Variants in PCDHGA1 observed in about 807,000 individuals in gnomAD.
PCDHGA1 encodes protocadherin gamma-A1.
In PCDHGA1, 32 loss-of-function variants were observed where a neutral mutation model predicts 58.0. The observed-to-expected ratio is 0.55, with a 90% CI of 0.42 to 0.74. The LOEUF is 0.74. PCDHGA1 is among the 30% of genes least tolerant of loss of function. The pLI, the probability that PCDHGA1 is intolerant of heterozygous loss-of-function variation, is 0.00. For missense variants in PCDHGA1, 1,205 were observed against 1,182.3 expected, an observed-to-expected ratio of 1.02 and a Z score of -0.28; for synonymous variants, 498 against 501.1, an observed-to-expected ratio of 0.99 and a Z score of 0.08.
intron 1 of PCDHGA1, among the ~76,000 whole-genome samples, chr5:141,459,014 T>C (rs1429233660): frequency 6.6e-6 from 1 of 152,240 alleles, no homozygotes; most frequent in East Asian, 1.9e-4. Context: ...ATTACAGGCA[T>C]GAGCCACCAC....
At chr5:141,353,235 G>A (rs371091053) in intron 1 of PCDHGA1, among the ~76,000 whole-genome samples, 10 of 152,116 alleles carry the variant, frequency 6.6e-5, no homozygotes, top group African/African-American at 2.2e-4. Flanking sequence ...CTTAGTAATA[G>A]CAGTGCCTTT....
At chr5:141,374,611 T>G in intron 1 of PCDHGA1, 1 of 1,613,552 alleles carries the variant, frequency 6.2e-7, no homozygotes, top group East Asian at 2.2e-5. Context: ...GTGGTAATAG[T>G]CACTTCTCAG....
At chr5:141,410,147 G>T in intron 1 of PCDHGA1, 1 of 1,612,952 alleles carries the variant, frequency 6.2e-7, no homozygotes, top group Non-Finnish European at 8.5e-7. Flanking sequence ...TGTGCGTGAC[G>T]GTGGACAGCC....
At position 141,490,208 on chromosome 5, in the gene PCDHGA1, G is replaced by A. The variant is rs745796427; in HGVS notation, c.2422-4599G>A. On this transcript the variant is annotated intron_variant, in intron 1 of 3. Coordinates refer to ENST00000517417, the MANE Select transcript of PCDHGA1 (RefSeq NM_018912.3). The surrounding 1 kb of genome is among the most constrained non-coding windows in gnomAD (Gnocchi z 5.4). ...TTCTATGAAATTCATGCAAGAGCCC[G>A]TGACCAGGGACAGCCTGCCATGGAG... 44 of 1,614,120 alleles carry A rather than the reference G, an allele frequency of 2.7e-5. No individual in the cohort carries two copies. The Admixed American group carries it at 4.5e-4, about 17-fold the overall frequency.
Position 141,486,998 on chromosome 5 carries a change from C to T in PCDHGA1, c.2422-7809C>T. 1.2e-6 allele frequency: 2 copies of T among 1,614,206 alleles called. No individual in the cohort carries two copies. Among genetic ancestry groups the T allele is most frequent in the Non-Finnish European group, 1.7e-6 (2 of 1,180,034 alleles). On this transcript the variant is annotated intron_variant, in intron 1 of 3. Transcript: ENST00000517417. The surrounding 1 kb of genome is among the most constrained non-coding windows in gnomAD (Gnocchi z 5.0). The stretch of plus-strand genomic sequence containing the variant: ...AGGTTACAATGCTTGGGTTTCCTAT[C>T]AGCTCCTGGAGGCCCCAGATCCCAG...
rs1280525764 is a variant in PCDHGA1 at position 141,367,851 on chromosome 5, GT to G, written c.2421+34749del. Reference sequence around the variant, plus strand: ...AATCAATACCTACTGCAATGTTAGCGTTTCTTTAAGTGTAGGTGCAATTCTT... The same window carrying G: ...AATCAATACCTACTGCAATGTTAGCGTTCTTTAAGTGTAGGTGCAATTCTT... On this transcript the variant is annotated intron_variant, in intron 1 of 3. Transcript: ENST00000517417. 2.6e-5 allele frequency: 4 copies of G among 151,844 alleles called. No homozygotes were observed. The East Asian group carries it at 5.8e-4, about 22-fold the overall frequency. The allele number at this position is 151,844 out of a possible 1,614,324, so 9.4% of individuals were successfully genotyped here.
intron 1 of PCDHGA1, chr5:141,415,883 G>C: frequency 1.0e-6 from 1 of 984,090 alleles, no homozygotes; most frequent in Non-Finnish European, 1.4e-6. Context: ...GTACAATATT[G>C]ACAATTCCTA....
rs915288148 is a variant in PCDHGA1, at chr5:141,355,973, G to A, written c.2421+22868G>A. On this transcript the variant is annotated intron_variant, in intron 1 of 3. Transcript: ENST00000517417. ...AGTGTTCGTGAGAACGTTCCTGTAGGCACTCGGCTACTCACCGTAAAAGCC... is the reference window on the plus strand; with the variant it reads ...AGTGTTCGTGAGAACGTTCCTGTAGACACTCGGCTACTCACCGTAAAAGCC... 2.2e-5 allele frequency: 35 copies of A among 1,613,706 alleles called. No homozygotes were observed. Among genetic ancestry groups the A allele is most frequent in the Non-Finnish European group, 2.8e-5 (33 of 1,179,874 alleles).
intron 1 of PCDHGA1, chr5:141,410,037 G>A: frequency 1.2e-6 from 2 of 1,613,250 alleles, no homozygotes; most frequent in Non-Finnish European, 1.7e-6. Flanking sequence ...CTGCAGGCCA[G>A]TGAGCCCGGA....
At chr5:141,339,218 A>C in intron 1 of PCDHGA1, 1 of 1,614,162 alleles carries the variant, frequency 6.2e-7, no homozygotes, top group South Asian at 1.1e-5. Context: ...GCGAAGCGGC[A>C]GCTTGGTCAC....
chr5:141,423,170 A>T (rs755141371), intron 1 of PCDHGA1: 1 of 1,613,504 alleles, frequency 6.2e-7, no homozygotes, highest in South Asian at 1.1e-5. Flanking sequence ...GTGGCCGTCC[A>T]GGACCACGGC....
chr5:141,330,697 A>G lies in PCDHGA1; in HGVS notation c.13A>G (p.Lys5Glu), dbSNP rs201710711. The G allele has an allele frequency of 2.5e-6, 4 of 1,607,110 alleles. No individual in the cohort carries two copies. The highest frequency in any genetic ancestry group is 3.4e-6 in the Non-Finnish European group (4 of 1,175,018). The stretch of plus-strand genomic sequence containing the variant: ...AAGTGAGAGAGCCATGAAGATTCAG[A>G]AAAAGCTGACTGGCTGCAGCAGGCT... The part of the protein sequence containing the change: MKIQ[K>E]KLTGCSRLML... Residue 5 changes from lysine to glutamate, a missense_variant, in exon 1 of 4, where the codon AAA (lysine) becomes GAA (glutamate). Lys to Glu is a moderately conservative substitution (Grantham distance 56, BLOSUM62 1). Transcript: ENST00000517417.
At chr5:141,407,943 T>C (rs575027782) in intron 1 of PCDHGA1, 7 of 537,790 alleles carry the variant, frequency 1.3e-5, no homozygotes, top group African/African-American at 7.6e-5. Flanking sequence ...TGGGCGCCGC[T>C]GTCGGCCAGT....
intron 1 of PCDHGA1, among the ~76,000 whole-genome samples, chr5:141,471,035 G>A (rs2099247157): frequency 7.1e-6 from 1 of 141,386 alleles, no homozygotes; most frequent in Admixed American, 7.1e-5. Flanking sequence ...TTATTAACAA[G>A]CCCAAGCCCT....
At chr5:141,440,593 T>C (rs1456640262) in intron 1 of PCDHGA1, 1 of 152,202 alleles carries the variant, frequency 6.6e-6, no homozygotes, top group African/African-American at 2.4e-5. Context: ...TGGAACAAGA[T>C]TTGCAACAGA....
chr5:141,378,758 C>T (rs969501970), intron 1 of PCDHGA1: 1 of 152,162 alleles, frequency 6.6e-6, no homozygotes, highest in Admixed American at 6.5e-5. Flanking sequence ...AAGGGATTAT[C>T]ATTTAGAAGA....
chr5:141,410,837 TTTTGTC>T, intron 1 of PCDHGA1: 3 of 501,732 alleles, frequency 6.0e-6, no homozygotes. Context: ...ACTGAAGATA[TTTTGTC>T]TTTGTCTTTT....
At chr5:141,414,496 C>T in intron 1 of PCDHGA1, 7 of 1,613,956 alleles carry the variant, frequency 4.3e-6, no homozygotes, top group Middle Eastern at 1.6e-4. Flanking sequence ...AACGGAAGCT[C>T]ACTTTATGCT....
intron 1 of PCDHGA1, chr5:141,374,825 C>T: frequency 1.2e-6 from 2 of 1,613,896 alleles, no homozygotes; most frequent in Non-Finnish European, 1.7e-6. Context: ...GCCTGTCTAC[C>T]GTGTAAGTGT....
Sources: allele counts gnomAD v4.1 joint callset (sites outside exome capture counted in the v4.1 genomes callset), GRCh38; gene constraint gnomAD v4.1.1; non-coding constraint Gnocchi (gnomAD v3.1); transcripts MANE v1.5; gene names NCBI Gene and HGNC (gene_info 2026-07-23, HGNC 2026-07-21).